The following VPS13A variants were observed in gnomAD, a reference collection of about 807,000 sequenced individuals.
VPS13A encodes the protein intermembrane lipid transfer protein VPS13A.
Under a neutral mutation model 390.9 loss-of-function variants are expected in VPS13A, and 264 were observed. The observed-to-expected ratio is 0.68, with a 90% CI of 0.61 to 0.75. The LOEUF (loss-of-function observed/expected upper bound fraction) is 0.75. Among genes scored for constraint, VPS13A ranks in the 30% least tolerant of loss-of-function variants. The pLI, the probability that VPS13A is intolerant of heterozygous loss-of-function variation, is 0.00. For missense variants in VPS13A, 3,409 were observed against 3,733.9 expected (o/e 0.91, Z 2.27); for synonymous variants, 1,231 against 1,227.1 (o/e 1.00, Z -0.07).
At chr9:77,217,146 T>C (rs1418087412) in intron 10 of VPS13A, among the ~76,000 whole-genome samples, 1 of 152,012 alleles carries the variant, frequency 6.6e-6, no homozygotes, top group African/African-American at 2.4e-5. Flanking sequence ...GAAAAGAGGG[T>C]ATGAAATAGG....
At chr9:77,245,654 C>G (rs1280623131) in intron 19 of VPS13A, among the ~76,000 whole-genome samples, 2 of 152,118 alleles carry the variant, frequency 1.3e-5, no homozygotes, top group African/African-American at 4.8e-5. Context: ...TTCTTCCTCT[C>G]TCTACTAGAG....
At chr9:77,261,732 G>C (rs1351665884) in intron 23 of VPS13A, among the ~76,000 whole-genome samples, 6 of 151,922 alleles carry the variant, frequency 3.9e-5, no homozygotes, top group Non-Finnish European at 8.8e-5. Context: ...CTACAAGTGC[G>C]TGCCACTACA....
In VPS13A at chr9:77,293,332, CT is replaced by C; in HGVS notation, c.3340-7del. On this transcript the variant is annotated splice_region_variant and splice_polypyrimidine_tract_variant and intron_variant, in intron 31 of 71. Transcript: ENST00000360280. ...ATGGATTGTGATAATTAAATTTTCT[CT>C]TATTAAGGCTGTTTATATCACTGGA... 6.2e-7 allele frequency: 1 copy of C among 1,605,704 alleles called. No individual in the cohort carries two copies. Among genetic ancestry groups the C allele is most frequent in the Non-Finnish European group, 8.5e-7 (1 of 1,174,604 alleles).
intron 34 of VPS13A, among the ~76,000 whole-genome samples, chr9:77,307,613 T>A (rs2131408228): frequency 6.6e-6 from 1 of 152,304 alleles, no homozygotes; most frequent in Middle Eastern, 3.4e-3. Flanking sequence ...AATGAGGTGC[T>A]TACTAACCAA....
At chr9:77,295,428 G>A (rs1203430545) in intron 32 of VPS13A, 114 bp from the exon 33 acceptor site, 1 of 868,686 alleles carries the variant, frequency 1.2e-6, no homozygotes, top group Non-Finnish European at 1.6e-6. Context: ...ATAATGCTTG[G>A]TTGTATCAAG....
intron 13 of VPS13A, 52 bp from the exon 14 acceptor site, chr9:77,225,874 T>A: frequency 7.1e-7 from 1 of 1,402,738 alleles, no homozygotes; most frequent in Non-Finnish European, 1.0e-6. Flanking sequence ...CTTAAGTTAA[T>A]TATGTAAAGT....
At chr9:77,245,319 C>T (rs1340061513) in intron 19 of VPS13A, among the ~76,000 whole-genome samples, 4 of 152,142 alleles carry the variant, frequency 2.6e-5, no homozygotes, top group African/African-American at 4.8e-5. Context: ...AATCCTTAGA[C>T]TAGAGATGGA....
At chr9:77,386,537 A>G (rs1009710212) in intron 68 of VPS13A, among the ~76,000 whole-genome samples, 5 of 151,936 alleles carry the variant, frequency 3.3e-5, no homozygotes, top group Admixed American at 3.3e-4. Context: ...GTGATTTACC[A>G]TTTTCATGAA....
intron 20 of VPS13A, 79 bp downstream of exon 20, chr9:77,247,474 A>G (rs78083157): frequency 0.024 from 33,672 of 1,404,196 alleles, 639 homozygotes; most frequent in Admixed American, 0.093. Context: ...TTTTTTAAAC[A>G]GTTTGATTTA....
At chr9:77,307,563 T>C (rs1267472657) in intron 34 of VPS13A, among the ~76,000 whole-genome samples, 1 of 152,224 alleles carries the variant, frequency 6.6e-6, no homozygotes, top group Non-Finnish European at 1.5e-5. Flanking sequence ...CTAAAATTTT[T>C]GGTAAACCAA....
At chr9:77,340,711 T>C in intron 50 of VPS13A, 161 bp downstream of exon 50, 1 of 810,100 alleles carries the variant, frequency 1.2e-6, no homozygotes. Context: ...TCTAGATAGA[T>C]GGGAAGGTTC....
Position 77,371,244 on chromosome 9 carries a change from C to G in VPS13A, c.9077+95C>G, listed in dbSNP as rs548670389. On this transcript the variant is annotated intron_variant, in intron 67 of 71. Coordinates refer to ENST00000360280, the MANE Select transcript of VPS13A (RefSeq NM_033305.3). ...TTGGCTTCAGGCATTTAGTTATTGTCTTTGTTTTGTGCTGCTATAACATAC... is the reference window on the plus strand; with the variant it reads ...TTGGCTTCAGGCATTTAGTTATTGTGTTTGTTTTGTGCTGCTATAACATAC... The G allele has an allele frequency of 8.6e-5, 134 of 1,552,848 alleles. 2 individuals are homozygous for G. The highest frequency in any genetic ancestry group is 7.5e-4 in the South Asian group (65 of 86,436).
intron 45 of VPS13A, among the ~76,000 whole-genome samples, chr9:77,325,401 G>GTTTTTTT (rs566722890): frequency 8.1e-6 from 1 of 123,412 alleles, no homozygotes. Context: ...GTTAGACCTT[G>GTTTTTTT]TTTTTTTTTT....
chr9:77,379,174 G>C (rs1221471940), intron 67 of VPS13A, among the ~76,000 whole-genome samples: 1 of 141,502 alleles, frequency 7.1e-6, no homozygotes, highest in Admixed American at 7.5e-5. Flanking sequence ...CCAGGTTCAA[G>C]AGATTCCCCT....
chr9:77,178,601 T>C (rs1178829085), intron 1 of VPS13A, among the ~76,000 whole-genome samples: 1 of 152,220 alleles, frequency 6.6e-6, no homozygotes, highest in East Asian at 1.9e-4. Context: ...AAGACCGGGC[T>C]GAACAGGGCC....
rs1179516894 is a variant in VPS13A, at chr9:77,244,377, T to C, written c.1901-2882T>C. Reference sequence around the variant, plus strand: ...GAAGGAACCTCTGTGAGTCATTGAATGGTAGAAAAGCCATTCTTGTGTCTT... The same window carrying C: ...GAAGGAACCTCTGTGAGTCATTGAACGGTAGAAAAGCCATTCTTGTGTCTT... On this transcript the variant is annotated intron_variant, in intron 19 of 71. Transcript: ENST00000360280. Among the ~76,000 whole-genome samples, 4 of 152,282 alleles carry C rather than the reference T, an allele frequency of 2.6e-5. No homozygotes were observed. In the East Asian group the frequency reaches 7.7e-4, roughly 29 times the overall value.
At chr9:77,410,174 A>G (rs1348819315) in intron 71 of VPS13A, among the ~76,000 whole-genome samples, 2 of 152,176 alleles carry the variant, frequency 1.3e-5, no homozygotes, top group Non-Finnish European at 2.9e-5. Flanking sequence ...TTCAACCCAG[A>G]ATTTCATATC....
chr9:77,395,403 A>G (rs1314473375), intron 68 of VPS13A, among the ~76,000 whole-genome samples: 2 of 152,190 alleles, frequency 1.3e-5, no homozygotes, highest in Non-Finnish European at 2.9e-5. Flanking sequence ...GCACCTCAAA[A>G]AGGACTATAA....
rs958442091 is a variant in VPS13A at position 77,413,273 on chromosome 9, A to G, written c.9475-2683A>G. 2.8e-4 allele frequency among the ~76,000 whole-genome samples: 43 copies of G among 152,298 alleles called. No homozygotes were observed. In the South Asian group the frequency reaches 2.9e-3, roughly 10 times the overall value. ...TTCATATGGAACCAAAAAAGAGCCC[A>G]CATCGCCAAGTCAATCCTAAGCCAA... On this transcript the variant is annotated intron_variant, in intron 71 of 71. Transcript: ENST00000360280.
Sources: allele counts gnomAD v4.1 joint callset (sites outside exome capture counted in the v4.1 genomes callset), GRCh38; gene constraint gnomAD v4.1.1; transcripts MANE v1.5; gene names NCBI Gene and HGNC (gene_info 2026-07-23, HGNC 2026-07-21).